The following DNAJC2 variants were observed in gnomAD, a reference collection of about 807,000 sequenced individuals.
The protein encoded by DNAJC2 is dnaJ homolog subfamily C member 2.
A neutral mutation model predicts 94.0 loss-of-function variants in DNAJC2; 32 were observed. The observed-to-expected ratio is 0.34, with a 90% CI of 0.26 to 0.46. The LOEUF (loss-of-function observed/expected upper bound fraction) is 0.46, where lower values mean the gene tolerates loss of function less well. Among genes scored for constraint, DNAJC2 ranks in the 20% least tolerant of loss-of-function variants. DNAJC2 has a pLI of 1.00. For synonymous variants in DNAJC2, 210 were observed against 229.7 expected, an observed-to-expected ratio of 0.91 and a Z score of 0.77; for missense variants, 550 against 719.5, an observed-to-expected ratio of 0.76 and a Z score of 2.69.
At chr7:103,320,041 C>G (rs1315493982) in intron 10 of DNAJC2, among the ~76,000 whole-genome samples, 197 bp from the exon 11 acceptor site, 1 of 152,056 alleles carries the variant, frequency 6.6e-6, no homozygotes, top group Non-Finnish European at 1.5e-5. Context: ...CTCAAAAAAA[C>G]AGACAATGAC....
chr7:103,330,964 A>AT (rs1040881184), intron 3 of DNAJC2, among the ~76,000 whole-genome samples: 134 of 139,190 alleles, frequency 9.6e-4, no homozygotes, highest in South Asian at 4.6e-3. Flanking sequence ...AACAAAATCC[A>AT]TTTTTTTTTT....
chr7:103,333,808 G>A (rs1157113543), intron 3 of DNAJC2, among the ~76,000 whole-genome samples: 1 of 152,160 alleles, frequency 6.6e-6, no homozygotes, highest in African/African-American at 2.4e-5. Context: ...GTTTTTCTGT[G>A]TATTGGCAAT....
chr7:103,322,489 C>T, intron 9 of DNAJC2, 22 bp downstream of exon 9: 1 of 1,429,264 alleles, frequency 7.0e-7, no homozygotes, highest in Middle Eastern at 1.8e-4. Context: ...TTAAAGTCCA[C>T]CTTCATTAAA....
intron 4 of DNAJC2, chr7:103,327,313 C>T: frequency 8.1e-7 from 1 of 1,241,946 alleles, no homozygotes; most frequent in Non-Finnish European, 1.1e-6. Context: ...GTATTCTCAT[C>T]ATTAAATAGA....
intron 2 of DNAJC2, among the ~76,000 whole-genome samples, chr7:103,340,087 C>T (rs369018526): frequency 2.4e-4 from 36 of 152,242 alleles, no homozygotes; most frequent in African/African-American, 8.4e-4. Flanking sequence ...ATCTGCCCGC[C>T]TCAGCCTCCC....
Position 103,319,795 on chromosome 7 carries a change from T to A in DNAJC2, c.1133A>T (p.Glu378Val). 1 of 1,614,172 alleles carries A rather than the reference T, an allele frequency of 6.2e-7. No individual in the cohort carries two copies. The highest frequency in any genetic ancestry group is 8.5e-7 in the Non-Finnish European group (1 of 1,180,030). Residue 378 changes from glutamate (E) to valine (V), a missense_variant, in exon 11 of 17, where the codon GAA becomes GTA. Physicochemically the swap from Glu to Val is moderately radical, Grantham distance 121. Transcript: ENST00000379263. ...CCGATCACAAAGTTTTTCCACTTCT[T>A]CCATCATTTTAACCCGCTCTGCCTC... Reference protein sequence around the residue: ...DNEAERVKMMEEVEKLCDRLE... With the variant: ...DNEAERVKMMVEVEKLCDRLE...
intron 10 of DNAJC2, among the ~76,000 whole-genome samples, chr7:103,321,587 C>T (rs1818416659): frequency 6.6e-6 from 1 of 151,502 alleles, no homozygotes; most frequent in South Asian, 2.1e-4. Flanking sequence ...GTGGCTCATG[C>T]CTGTAGTCCC....
chr7:103,322,231 A>G, intron 9 of DNAJC2, 150 bp from the exon 10 acceptor site: 1 of 635,420 alleles, frequency 1.6e-6, no homozygotes, highest in Non-Finnish European at 2.4e-6. Flanking sequence ...TCGGAAAGAC[A>G]GCTGGTAAAG....
At chr7:103,329,180 A>G (rs1328385155) in intron 3 of DNAJC2, 1 of 330,138 alleles carries the variant, frequency 3.0e-6, no homozygotes, top group African/African-American at 2.2e-5. Flanking sequence ...TAATAATGCT[A>G]GCTGTTAACA....
intron 2 of DNAJC2, among the ~76,000 whole-genome samples, chr7:103,340,621 C>T (rs913755252): frequency 3.3e-5 from 5 of 152,208 alleles, no homozygotes; most frequent in Admixed American, 1.3e-4. Context: ...TTCCCAAGGT[C>T]GAAGTGCACC....
intron 13 of DNAJC2, chr7:103,316,491 TG>T (rs1818063034): frequency 4.3e-6 from 1 of 230,484 alleles, no homozygotes; most frequent in Admixed American, 5.3e-5. Context: ...CAGCTTGAGG[TG>T]GGAAAAAACA....
chr7:103,320,518 T>C (rs1818326849), intron 10 of DNAJC2, among the ~76,000 whole-genome samples: 1 of 151,994 alleles, frequency 6.6e-6, no homozygotes, highest in East Asian at 1.9e-4. Context: ...CCCAGCACTT[T>C]GGGAGGCCGA....
intron 15 of DNAJC2, chr7:103,314,222 A>AGAT: frequency 1.0e-6 from 1 of 985,352 alleles, no homozygotes; most frequent in Non-Finnish European, 1.2e-6. Flanking sequence ...CTTGGAAAAA[A>AGAT]GATGGAAGTG....
chr7:103,344,349 G>A, intron 1 of DNAJC2: 1 of 596,728 alleles, frequency 1.7e-6, no homozygotes, highest in Non-Finnish European at 3.0e-6. Flanking sequence ...AACGGTAGGA[G>A]CAAAAGGAAG....
In DNAJC2 at chr7:103,327,652, T is replaced by C. The variant is rs749583176; in HGVS notation, c.430+4A>G. On this transcript the variant is annotated splice_donor_region_variant and intron_variant, in intron 4 of 16. Transcript: ENST00000379263. ...AAATTCCTGACTCTAAAGCATTTTC[T>C]TACCTTTAGTTATGCAAGTGAAGTA... The C allele has an allele frequency of 7.0e-6, 11 of 1,566,040 alleles. No individual in the cohort carries two copies. The highest frequency in any genetic ancestry group is 7.9e-6 in the Non-Finnish European group (9 of 1,143,924).
intron 10 of DNAJC2, chr7:103,320,730 C>A: frequency 7.4e-6 from 1 of 134,602 alleles, no homozygotes; most frequent in Non-Finnish European, 1.6e-5. Context: ...GGCGACAGAG[C>A]AAGACTCTGT....
Position 103,330,940 on chromosome 7 carries a change from G to A in DNAJC2, c.332-3186C>T, listed in dbSNP as rs114388582. ...CTTATGGGGTGCATGTGATTATTTTGTTCATAATACATGAACAAAATCCAT... is the reference window on the plus strand; with the variant it reads ...CTTATGGGGTGCATGTGATTATTTTATTCATAATACATGAACAAAATCCAT... On this transcript the variant is annotated intron_variant, in intron 3 of 16. Transcript: ENST00000379263. 3.8e-3 allele frequency among the ~76,000 whole-genome samples: 573 copies of A among 151,376 alleles called. 4 individuals carry two copies. The highest frequency in any genetic ancestry group is 0.014 in the African/African-American group (564 of 41,262).
At chr7:103,337,890 A>C in intron 2 of DNAJC2, 79 bp from the exon 3 acceptor site, 2 of 1,006,726 alleles carry the variant, frequency 2.0e-6, no homozygotes, top group South Asian at 1.4e-5. Flanking sequence ...GTACCTTAAT[A>C]AGCATTTCCC....
chr7:103,316,567 A>G, intron 13 of DNAJC2: 1 of 416,650 alleles, frequency 2.4e-6, no homozygotes, highest in African/African-American at 2.0e-5. Context: ...ATGACAGAGT[A>G]AGCCAACATA....
Sources: gnomAD v4.1 joint callset for allele counts (sites outside exome capture counted in the v4.1 genomes callset) on GRCh38, gnomAD v4.1.1 for gene constraint, MANE v1.5 for transcripts, NCBI Gene and HGNC (gene_info 2026-07-23, HGNC 2026-07-21) for gene names.